The following ASTN2 variants were observed in gnomAD, a reference collection of about 807,000 sequenced individuals.
ASTN2 encodes astrotactin 2.
A neutral mutation model predicts 139.8 loss-of-function variants in ASTN2; 54 were observed. The ratio of observed to expected loss-of-function variants is 0.39; its 90% confidence interval spans 0.31 to 0.48. The LOEUF is 0.48. Ranked by LOEUF, ASTN2 falls within the 20% of genes least tolerant of loss-of-function variation. The pLI, the probability that ASTN2 is intolerant of heterozygous loss-of-function variation, is 0.95. For synonymous variants in ASTN2, 756 were observed against 719.5 expected (o/e 1.05, Z -0.81); for missense variants, 1,565 against 1,725.1 (o/e 0.91, Z 1.64).
intron 10 of ASTN2, among the ~76,000 whole-genome samples, chr9:116,919,640 A>ATTTTTTTTTTTTTTTTTTTTTTTTTTTTT (rs72054196): frequency 8.8e-6 from 1 of 113,568 alleles, no homozygotes; most frequent in African/African-American, 3.5e-5. Flanking sequence ...CAAAAACATC[A>ATTTTTTTTTTTTTTTTTTTTTTTTTTTTT]TTTTTTTTTT....
intron 5 of ASTN2, among the ~76,000 whole-genome samples, chr9:117,072,508 G>A (rs1828162236): frequency 6.6e-6 from 1 of 152,236 alleles, no homozygotes; most frequent in Non-Finnish European, 1.5e-5. Flanking sequence ...TACATGGGGA[G>A]AGGAAGAGAT....
At chr9:116,449,210 A>C (rs979945684) in intron 20 of ASTN2, among the ~76,000 whole-genome samples, 1 of 152,156 alleles carries the variant, frequency 6.6e-6, no homozygotes, top group African/African-American at 2.4e-5. Flanking sequence ...GTTCAAAACC[A>C]GTCTGGGCAA....
At chr9:117,171,164 A>AAAAG (rs112802817) in intron 3 of ASTN2, among the ~76,000 whole-genome samples, 2 of 150,868 alleles carry the variant, frequency 1.3e-5, no homozygotes, top group African/African-American at 2.4e-5. Flanking sequence ...GGCAAAAGAA[A>AAAAG]AAAAGAAAAG....
Position 116,815,804 on chromosome 9 carries a change from C to CAAA in ASTN2, c.2207+4810_2207+4812dup, listed in dbSNP as rs55954354. On this transcript the variant is annotated intron_variant, in intron 12 of 22. Coordinates refer to ENST00000313400, the MANE Select transcript of ASTN2 (RefSeq NM_001365068.1). ...TGGGCAACAGAGCGAGACTCCGTCT[C>CAAA]AAAAAAAAAAAAAAAAAAAAAAAAG... 1.5e-3 allele frequency among the ~76,000 whole-genome samples: 35 copies of CAAA among 24,104 alleles called. 5 individuals are homozygous for CAAA. The highest frequency in any genetic ancestry group is 2.1e-3 in the Non-Finnish European group (31 of 14,962). The allele number at this position is 24,104 out of a possible 152,430, so 15.8% of individuals were successfully genotyped here.
chr9:117,128,033 ATTGGT>A (rs1829739694), intron 4 of ASTN2, among the ~76,000 whole-genome samples: 1 of 151,958 alleles, frequency 6.6e-6, no homozygotes, highest in Non-Finnish European at 1.5e-5. Context: ...AGAAACACGG[ATTGGT>A]TTGGTCAGGG....
At chr9:117,232,594 C>T (rs989015648) in intron 2 of ASTN2, among the ~76,000 whole-genome samples, 3 of 152,184 alleles carry the variant, frequency 2.0e-5, no homozygotes, top group African/African-American at 7.2e-5. Context: ...GTAATAAAGG[C>T]AAAACATTAA....
chr9:117,376,469 C>G (rs577256061), intron 1 of ASTN2, among the ~76,000 whole-genome samples: 5 of 152,236 alleles, frequency 3.3e-5, no homozygotes, highest in Admixed American at 2.0e-4. Flanking sequence ...TGGTGATTCT[C>G]TGGGTTGATG....
chr9:116,629,878 C>T (rs1856657399), intron 17 of ASTN2, among the ~76,000 whole-genome samples: 1 of 152,108 alleles, frequency 6.6e-6, no homozygotes, highest in African/African-American at 2.4e-5. Flanking sequence ...CACTGAGATG[C>T]TTGTGCACAA....
chr9:117,133,720 A>G (rs1219243830), intron 4 of ASTN2, among the ~76,000 whole-genome samples: 1 of 152,204 alleles, frequency 6.6e-6, no homozygotes, highest in Non-Finnish European at 1.5e-5. Flanking sequence ...AGAGGTTGTC[A>G]AAGTTTGGAG....
chr9:116,780,084 G>A (rs1486428289), intron 13 of ASTN2, among the ~76,000 whole-genome samples: 2 of 152,106 alleles, frequency 1.3e-5, no homozygotes. Flanking sequence ...CAGTCACTGG[G>A]TGCTCACTCT....
chr9:117,337,388 G>A (rs973424118), intron 1 of ASTN2, among the ~76,000 whole-genome samples: 19 of 152,072 alleles, frequency 1.2e-4, no homozygotes, highest in African/African-American at 3.1e-4. Flanking sequence ...GTTAGAATGC[G>A]GAGAAATAAA....
chr9:116,575,617 C>T (rs1853693241), intron 19 of ASTN2, among the ~76,000 whole-genome samples: 1 of 152,030 alleles, frequency 6.6e-6, no homozygotes, highest in South Asian at 2.1e-4. Context: ...AAGAAAGCAC[C>T]CCAAGTGGAT....
intron 3 of ASTN2, among the ~76,000 whole-genome samples, chr9:117,150,012 A>C (rs576940156): frequency 6.6e-6 from 1 of 152,342 alleles, no homozygotes; most frequent in Non-Finnish European, 1.5e-5. Flanking sequence ...TTTCTTATAT[A>C]CAAGATCTTG....
intron 19 of ASTN2, among the ~76,000 whole-genome samples, chr9:116,553,051 C>A (rs937786167): frequency 6.6e-6 from 1 of 152,098 alleles, no homozygotes; most frequent in Non-Finnish European, 1.5e-5. Context: ...TGAAGGCTTC[C>A]CCTGGCTGCA....
chr9:117,410,948 C>G (rs1489673972), intron 1 of ASTN2, among the ~76,000 whole-genome samples: 1 of 152,178 alleles, frequency 6.6e-6, no homozygotes, highest in Non-Finnish European at 1.5e-5. Flanking sequence ...GAGAAAAGCT[C>G]TTGTCTAACA....
At chr9:117,079,842 G>A (rs533497734) in intron 5 of ASTN2, among the ~76,000 whole-genome samples, 13 of 152,380 alleles carry the variant, frequency 8.5e-5, no homozygotes, top group African/African-American at 3.1e-4. Context: ...ATAAGTTAAA[G>A]TAGTCAGATC....
intron 6 of ASTN2, among the ~76,000 whole-genome samples, chr9:117,032,364 A>G (rs1838271462): frequency 6.6e-6 from 1 of 152,180 alleles, no homozygotes; most frequent in Non-Finnish European, 1.5e-5. Flanking sequence ...GTTAACAAAG[A>G]AAAAGACAGA....
intron 2 of ASTN2, among the ~76,000 whole-genome samples, chr9:117,242,861 C>T (rs995724972): frequency 6.6e-6 from 1 of 152,206 alleles, no homozygotes; most frequent in African/African-American, 2.4e-5. Flanking sequence ...CTGTGTGTCA[C>T]CCTCTGTGTG....
intron 4 of ASTN2, among the ~76,000 whole-genome samples, chr9:117,133,808 G>C (rs1588000315): frequency 6.6e-6 from 1 of 152,272 alleles, no homozygotes; most frequent in South Asian, 2.1e-4. Flanking sequence ...TTGTTTGAAA[G>C]AAGAGTAGAA....
Sources: gnomAD v4.1 joint callset for allele counts (sites outside exome capture counted in the v4.1 genomes callset) on GRCh38, gnomAD v4.1.1 for gene constraint, MANE v1.5 for transcripts, NCBI Gene and HGNC (gene_info 2026-07-23, HGNC 2026-07-21) for gene names.